The following AKAIN1 variants were observed in gnomAD, a reference collection of about 807,000 sequenced individuals.
AKAIN1 encodes A-kinase anchor protein inhibitor 1.
Under a neutral mutation model 3.7 loss-of-function variants are expected in AKAIN1, and 3 were observed. That is an observed-to-expected ratio of 0.82 (90% CI 0.37 to 2.12). The LOEUF is 2.12. AKAIN1 is among the 30% of genes most tolerant of loss of function. AKAIN1 has a pLI of 0.06. For missense variants in AKAIN1, 82 were observed against 82.7 expected (o/e 0.99, Z 0.03); for synonymous variants, 31 against 30.8 (o/e 1.01, Z -0.02).
chr18:5,182,961 C>T (rs1290710995), intron 1 of AKAIN1, among the ~76,000 whole-genome samples: 3 of 152,022 alleles, frequency 2.0e-5, no homozygotes, highest in African/African-American at 4.8e-5. Flanking sequence ...TCTAAAGACA[C>T]CAGTTTTACC....
At chr18:5,196,916 A>G (rs953174578) in intron 1 of AKAIN1, 122 bp downstream of exon 1, 8 of 907,994 alleles carry the variant, frequency 8.8e-6, no homozygotes, top group Admixed American at 4.1e-5. Context: ...CCATGAGCAC[A>G]GACAGTAACT....
At chr18:5,191,506 T>A (rs2071318381) in intron 1 of AKAIN1, among the ~76,000 whole-genome samples, 1 of 152,106 alleles carries the variant, frequency 6.6e-6, no homozygotes, top group African/African-American at 2.4e-5. Context: ...CTAAATAAAC[T>A]AAGAGACACA....
intron 1 of AKAIN1, 84 bp from the exon 2 acceptor site, chr18:5,145,839 G>T: frequency 8.3e-7 from 1 of 1,202,912 alleles, no homozygotes; most frequent in Non-Finnish European, 1.2e-6. Context: ...AGAAAGATGG[G>T]AGGGAAGAGT....
At chr18:5,156,103 A>G (rs557925779) in intron 1 of AKAIN1, among the ~76,000 whole-genome samples, 1 of 152,256 alleles carries the variant, frequency 6.6e-6, no homozygotes, top group East Asian at 1.9e-4. Flanking sequence ...GATAAGAATT[A>G]CTGGACCGTA....
At chr18:5,149,219 G>T (rs1226923254) in intron 1 of AKAIN1, among the ~76,000 whole-genome samples, 1 of 152,188 alleles carries the variant, frequency 6.6e-6, no homozygotes, top group Non-Finnish European at 1.5e-5. Context: ...GAGCAGCGAA[G>T]CCTGGAGCAG....
chr18:5,190,056 A>G (rs1193336021), intron 1 of AKAIN1, among the ~76,000 whole-genome samples: 7 of 152,146 alleles, frequency 4.6e-5, no homozygotes, highest in South Asian at 2.1e-4. Flanking sequence ...TGGTGTTCAT[A>G]TTTGGCAAGG....
chr18:5,153,376 C>T (rs2071089640), intron 1 of AKAIN1, among the ~76,000 whole-genome samples: 1 of 152,058 alleles, frequency 6.6e-6, no homozygotes, highest in African/African-American at 2.4e-5. Context: ...TCTAATTTAC[C>T]AGCTATGAAT....
chr18:5,168,373 C>A (rs2071178343), intron 1 of AKAIN1, among the ~76,000 whole-genome samples: 1 of 152,122 alleles, frequency 6.6e-6, no homozygotes, highest in Non-Finnish European at 1.5e-5. Context: ...CCTACACTGT[C>A]TACTACCTGT....
intron 1 of AKAIN1, among the ~76,000 whole-genome samples, chr18:5,152,260 G>A (rs141357287): frequency 2.0e-3 from 298 of 152,288 alleles, no homozygotes; most frequent in African/African-American, 6.3e-3. Flanking sequence ...TTACAATAAT[G>A]AGGTTTTTGT....
intron 1 of AKAIN1, chr18:5,159,542 A>G (rs949679137): frequency 4.6e-5 from 7 of 152,214 alleles, no homozygotes; most frequent in Admixed American, 3.9e-4. Flanking sequence ...CAAGCAAACT[A>G]TGGTAAAATA....
chr18:5,162,584 T>C (rs765027795), intron 1 of AKAIN1, among the ~76,000 whole-genome samples: 1 of 151,600 alleles, frequency 6.6e-6, no homozygotes, highest in African/African-American at 2.4e-5. Context: ...GATAAAAATA[T>C]GTAGTAAATA....
chr18:5,145,582 T>G lies in AKAIN1; in HGVS notation c.190A>C (p.Lys64Gln). The G allele has an allele frequency of 6.4e-7, 1 of 1,551,534 alleles. No individual in the cohort carries two copies. The highest frequency in any genetic ancestry group is 8.7e-7 in the Non-Finnish European group (1 of 1,146,906). The change falls in exon 2 of 2, where the codon AAG becomes CAG. Residue 64 changes from lysine to glutamine, a missense_variant. Physicochemically the swap from Lys to Gln is moderately conservative, Grantham distance 53. Coordinates refer to ENST00000434239, the MANE Select transcript of AKAIN1 (RefSeq NM_001145194.2). ...HIQLGVGELTKKHEKK is the reference protein window; with the variant it reads ...HIQLGVGELTQKHEKK ...CCATGTTACTTCTTTTCGTGCTTCT[T>G]GGTTAACTCCCCAACGCCCAGTTGG...
intron 1 of AKAIN1, among the ~76,000 whole-genome samples, chr18:5,172,237 G>C (rs2071201816): frequency 6.6e-6 from 1 of 151,976 alleles, no homozygotes; most frequent in Non-Finnish European, 1.5e-5. Flanking sequence ...TGGTTAATGG[G>C]TACAAAAATT....
intron 1 of AKAIN1, among the ~76,000 whole-genome samples, chr18:5,187,022 T>G (rs1184290197): frequency 6.6e-6 from 1 of 152,182 alleles, no homozygotes; most frequent in Non-Finnish European, 1.5e-5. Context: ...TCAAAATTTT[T>G]AGAATACTCT....
chr18:5,197,120 G>C lies in AKAIN1; in HGVS notation c.-67C>G. ...ACAGGCAGACGGAGGATGGGAAGAA[G>C]GCCGGACTTGGCGGGGTCCGGTGCA... is the stretch of plus-strand genomic sequence containing the variant. On this transcript the variant is annotated 5_prime_UTR_variant, in exon 1 of 2. Coordinates refer to ENST00000434239, the MANE Select transcript of AKAIN1 (RefSeq NM_001145194.2). This position sits in a 1 kb window ranked among gnomAD's most constrained non-coding sequence, Gnocchi z 6.9. 2 of 1,547,872 alleles carry C rather than the reference G, an allele frequency of 1.3e-6. No individual in the cohort carries two copies. Among genetic ancestry groups the C allele is most frequent in the East Asian group, 4.9e-5 (2 of 40,836 alleles).
At chr18:5,192,447 T>TTCTTTCTG (rs1191973527) in intron 1 of AKAIN1, among the ~76,000 whole-genome samples, 1 of 136,468 alleles carries the variant, frequency 7.3e-6, no homozygotes, top group Admixed American at 7.4e-5. Flanking sequence ...CTTTCTTTCT[T>TTCTTTCTG]TTTCTTTTCT....
chr18:5,168,481 T>G lies in AKAIN1; in HGVS notation c.17-22726A>C, dbSNP rs2071179042. Among the ~76,000 whole-genome samples the G allele has an allele frequency of 1.3e-5, 2 of 148,852 alleles. 1 individual carries two copies. The highest frequency in any genetic ancestry group is 4.1e-4 in the South Asian group (2 of 4,822). On this transcript the variant is annotated intron_variant, in intron 1 of 1. Transcript: ENST00000434239. ...TGAAAGACCACGTATCCAGTTAAGT[T>G]GCATATTACAGTTCAGATCCAAAAC...
chr18:5,182,384 C>A (rs2071263401), intron 1 of AKAIN1, among the ~76,000 whole-genome samples: 1 of 152,042 alleles, frequency 6.6e-6, no homozygotes, highest in Admixed American at 6.6e-5. Context: ...ATTTAGCCGA[C>A]CGTGGGCTAG....
intron 1 of AKAIN1, among the ~76,000 whole-genome samples, chr18:5,184,741 C>A (rs1348764313): frequency 2.0e-5 from 3 of 152,096 alleles, no homozygotes; most frequent in Non-Finnish European, 2.9e-5. Context: ...TAGGAAGAAC[C>A]AATATTGTTA....
Sources: allele counts gnomAD v4.1 joint callset (sites outside exome capture counted in the v4.1 genomes callset), GRCh38; gene constraint gnomAD v4.1.1; non-coding constraint Gnocchi (gnomAD v3.1); transcripts MANE v1.5; gene names NCBI Gene and HGNC (gene_info 2026-07-23, HGNC 2026-07-21).